The following ASAP1 variants were observed in gnomAD, a reference collection of about 807,000 sequenced individuals.
ASAP1 encodes the protein arf-GAP with SH3 domain, ANK repeat and PH domain-containing protein 1.
Under a neutral mutation model 145.2 loss-of-function variants are expected in ASAP1, and 43 were observed. The ratio of observed to expected loss-of-function variants is 0.30; its 90% CI spans 0.23 to 0.38. The LOEUF (loss-of-function observed/expected upper bound fraction) is 0.38, where lower values mean the gene tolerates loss of function less well. Among genes scored for constraint, ASAP1 ranks in the 10% least tolerant of loss-of-function variants. The probability of loss-of-function intolerance (pLI) is 1.00; values close to 1 mark genes in which losing one functional copy is unlikely to be tolerated. For missense variants in ASAP1, 1,018 were observed against 1,355.3 expected (o/e 0.75, Z 3.91); for synonymous variants, 546 against 515.5 (o/e 1.06, Z -0.80).
At chr8:130,065,316 G>A (rs566014022) in intron 27 of ASAP1, among the ~76,000 whole-genome samples, 1 of 152,310 alleles carries the variant, frequency 6.6e-6, no homozygotes, top group Admixed American at 6.5e-5. Context: ...CCCGGCACGT[G>A]AGCGAGTTCT....
chr8:130,057,058 A>G (rs1473464007), intron 29 of ASAP1, among the ~76,000 whole-genome samples: 1 of 152,214 alleles, frequency 6.6e-6, no homozygotes, highest in African/African-American at 2.4e-5. Context: ...AGGAGTTTTC[A>G]TAGATATTTT....
chr8:130,134,148 G>A, intron 15 of ASAP1, 148 bp downstream of exon 15: 1 of 546,916 alleles, frequency 1.8e-6, no homozygotes, highest in East Asian at 3.2e-5. Flanking sequence ...AGAGAGAAGA[G>A]CAACATGTGA....
intron 4 of ASAP1, among the ~76,000 whole-genome samples, chr8:130,219,676 G>C (rs948673891): frequency 5.9e-5 from 9 of 152,118 alleles, no homozygotes; most frequent in African/African-American, 2.2e-4. Context: ...AAGAAGACTG[G>C]ATAAAAGAAA....
chr8:130,265,371 G>A (rs1442176137), intron 3 of ASAP1, among the ~76,000 whole-genome samples: 2 of 152,036 alleles, frequency 1.3e-5, no homozygotes, highest in Non-Finnish European at 2.9e-5. Context: ...AGGAGCTTGA[G>A]ACCAGTCTGG....
At chr8:130,361,363 G>A (rs1305849412) in intron 2 of ASAP1, among the ~76,000 whole-genome samples, 1 of 152,142 alleles carries the variant, frequency 6.6e-6, no homozygotes, top group Non-Finnish European at 1.5e-5. Flanking sequence ...CTCCCAGCAG[G>A]AGCCGACTTG....
At chr8:130,158,036 C>A (rs544001573) in intron 12 of ASAP1, among the ~76,000 whole-genome samples, 1 of 152,230 alleles carries the variant, frequency 6.6e-6, no homozygotes, top group Admixed American at 6.5e-5. Context: ...CTCAAAATAT[C>A]TTTGTTGAAT....
rs150767722 is a variant in ASAP1 at position 130,290,062 on chromosome 8, C to T, written c.187-53068G>A. Among the ~76,000 whole-genome samples the T allele has an allele frequency of 4.1e-4, 62 of 152,196 alleles. 2 individuals carry two copies. The East Asian group carries it at 0.01, about 26-fold the overall frequency. ...TGGTACTCGACAGTTGGCAACGGCC[C>T]GAGAGGTGTCATATTCATCTTTGTA... On this transcript the variant is annotated intron_variant, in intron 3 of 29. Coordinates refer to ENST00000518721, the MANE Select transcript of ASAP1 (RefSeq NM_018482.4).
At chr8:130,421,618 G>C (rs1393870962) in intron 1 of ASAP1, among the ~76,000 whole-genome samples, 1 of 152,216 alleles carries the variant, frequency 6.6e-6, no homozygotes, top group African/African-American at 2.4e-5. Context: ...CAAAGCTCCA[G>C]GGGGCAGCAG....
rs905755447 is a variant in ASAP1, at chr8:130,366,886, C to CTTTTTTTTTTTT, written c.60-8755_60-8744dup. On this transcript the variant is annotated intron_variant, in intron 2 of 29. Coordinates refer to ENST00000518721, the MANE Select transcript of ASAP1 (RefSeq NM_018482.4). ...TCTAAACAGGTACTATGCTAGATTC[C>CTTTTTTTTTTTT]TTTTTTTTTTTTTTTTTTTTTTGAG... Among the ~76,000 whole-genome samples, 5 of 99,194 alleles carry CTTTTTTTTTTTT rather than the reference C, an allele frequency of 5.0e-5. 1 individual carries two copies. The highest frequency in any genetic ancestry group is 1.6e-4 in the African/African-American group (4 of 24,750). The allele number at this position is 99,194 out of a possible 152,430, so 65.1% of individuals were successfully genotyped here.
At position 130,079,358 on chromosome 8, in the gene ASAP1, G is replaced by A. The variant is rs944963568; in HGVS notation, c.2642+544C>T. Among the ~76,000 whole-genome samples the A allele has an allele frequency of 2.6e-5, 4 of 151,838 alleles. No homozygotes were observed. In the South Asian group the frequency reaches 6.2e-4, roughly 24 times the overall value. On this transcript the variant is annotated intron_variant, in intron 26 of 29. Transcript: ENST00000518721. ...GGCTGGATAAAAACTGCCCGTAAGAGATCTCCTCAAGTATACAATTTCAGT... is the reference window on the plus strand; with the variant it reads ...GGCTGGATAAAAACTGCCCGTAAGAAATCTCCTCAAGTATACAATTTCAGT...
intron 1 of ASAP1, among the ~76,000 whole-genome samples, chr8:130,419,891 C>A (rs1208039779): frequency 6.6e-6 from 1 of 152,080 alleles, no homozygotes; most frequent in Non-Finnish European, 1.5e-5. Flanking sequence ...TAGGCACACA[C>A]AGGAGCCTTG....
chr8:130,404,896 C>T (rs918340800), intron 1 of ASAP1, among the ~76,000 whole-genome samples: 2 of 152,044 alleles, frequency 1.3e-5, no homozygotes, highest in Admixed American at 6.6e-5. Flanking sequence ...TCTCCATAGC[C>T]GCTGTCTGTT....
At chr8:130,341,056 C>T in intron 3 of ASAP1, 1 of 371,770 alleles carries the variant, frequency 2.7e-6, no homozygotes, top group South Asian at 2.0e-5. Context: ...GATACAGTAA[C>T]ACCACGTGGC....
intron 11 of ASAP1, chr8:130,160,807 G>A (rs1238743794): frequency 7.8e-7 from 1 of 1,283,390 alleles, no homozygotes; most frequent in African/African-American, 1.5e-5. Context: ...CGATCAGGAA[G>A]GGCAAAAGAA....
At chr8:130,152,203 C>T (rs1354227046) in intron 13 of ASAP1, among the ~76,000 whole-genome samples, 1 of 152,160 alleles carries the variant, frequency 6.6e-6, no homozygotes, top group African/African-American at 2.4e-5. Context: ...ACTGAGATTA[C>T]TGGGTTAAAC....
chr8:130,134,616 A>G (rs1230296449), intron 14 of ASAP1, among the ~76,000 whole-genome samples: 2 of 152,220 alleles, frequency 1.3e-5, no homozygotes, highest in Non-Finnish European at 2.9e-5. Flanking sequence ...AAACAGCTAC[A>G]TGATTCATTC....
chr8:130,130,246 T>C (rs1255625536), intron 15 of ASAP1, among the ~76,000 whole-genome samples: 1 of 152,200 alleles, frequency 6.6e-6, no homozygotes, highest in Non-Finnish European at 1.5e-5. Context: ...TTTATAATAC[T>C]TTATAGATGA....
intron 3 of ASAP1, among the ~76,000 whole-genome samples, chr8:130,320,690 A>G (rs1278375978): frequency 6.6e-6 from 1 of 152,142 alleles, no homozygotes; most frequent in African/African-American, 2.4e-5. Flanking sequence ...CCACACAACC[A>G]GGAAGAAGTA....
At chr8:130,146,754 C>G (rs893366157) in intron 13 of ASAP1, among the ~76,000 whole-genome samples, 1 of 152,100 alleles carries the variant, frequency 6.6e-6, no homozygotes, top group African/African-American at 2.4e-5. Flanking sequence ...ACCTTAGACC[C>G]AAAGATCCAA....
Sources: allele counts gnomAD v4.1 joint callset (sites outside exome capture counted in the v4.1 genomes callset), GRCh38; gene constraint gnomAD v4.1.1; transcripts MANE v1.5; gene names NCBI Gene and HGNC (gene_info 2026-07-23, HGNC 2026-07-21).